Variants in NSG1 observed in about 807,000 individuals in gnomAD.
NSG1 encodes the protein neuronal vesicle trafficking associated 1, also known as neuronal vesicle trafficking-associated protein 1.
Under a neutral mutation model 19.3 loss-of-function variants are expected in NSG1, and 9 were observed. The observed-to-expected ratio is 0.47, with a 90% CI of 0.28 to 0.81. The LOEUF (loss-of-function observed/expected upper bound fraction) is 0.81. Among genes scored for constraint, NSG1 ranks in the 40% least tolerant of loss-of-function variants. The pLI is 0.11. For synonymous variants in NSG1, 104 were observed against 107.0 expected (o/e 0.97, Z 0.17); for missense variants, 236 against 242.4 (o/e 0.97, Z 0.18).
intron 4 of NSG1, among the ~76,000 whole-genome samples, chr4:4,411,452 A>G (rs1456859855): frequency 1.3e-5 from 2 of 152,160 alleles, no homozygotes; most frequent in African/African-American, 4.8e-5. Flanking sequence ...CTCTTAGGAT[A>G]ACAATGCCAG....
intron 1 of NSG1, 43 bp from the exon 2 acceptor site, chr4:4,387,561 C>CCGGGGGTGGGTGT: frequency 8.8e-7 from 1 of 1,141,980 alleles, no homozygotes; most frequent in Non-Finnish European, 1.2e-6. Context: ...CGCCCCGCCC[C>CCGGGGGTGGGTGT]GGGTCTTGCT....
At position 4,391,609 on chromosome 4, in the gene NSG1, G is replaced by A. The variant is rs766788791; in HGVS notation, c.246+18G>A. On this transcript the variant is annotated intron_variant, in intron 3 of 4. Transcript: ENST00000621129. ...GGTTTAAGGTGAGTGGTCCTGTGCTGGGTGAGATGCTGCTTTTGCCCCCAG... is the reference window on the plus strand; with the variant it reads ...GGTTTAAGGTGAGTGGTCCTGTGCTAGGTGAGATGCTGCTTTTGCCCCCAG... 11 of 1,522,494 alleles carry A rather than the reference G, an allele frequency of 7.2e-6. No homozygotes were observed. The highest frequency in any genetic ancestry group is 9.9e-6 in the Non-Finnish European group (11 of 1,111,644). The allele number at this position is 1,522,494 out of a possible 1,614,324, so 94.3% of individuals were successfully genotyped here. A position where few individuals can be genotyped will look rare whatever the true frequency, so the allele number is the denominator to read the frequency against.
At position 4,387,732 on chromosome 4, in the gene NSG1, C is replaced by G; in HGVS notation, c.103C>G (p.Gln35Glu). ...IPLMTPLDVN[Q>E]LQFPPPDKVV... ...CCTGATGACGCCCCTCGATGTCAAT[C>G]AGCTGCAGTTCCCGCCCCCGGATAA... Residue 35 changes from glutamine to glutamate, a missense_variant, in exon 2 of 5, where the codon CAG becomes GAG. Transcript: ENST00000621129. The G allele has an allele frequency of 6.2e-7, 1 of 1,612,440 alleles. No homozygotes were observed. The highest frequency in any genetic ancestry group is 8.5e-7 in the Non-Finnish European group (1 of 1,178,676).
rs375786742 is a variant in NSG1 at position 4,409,488 on chromosome 4, TG to T, written c.247-76del. 795 of 922,718 alleles carry T rather than the reference TG, an allele frequency of 8.6e-4. 4 individuals are homozygous for T. In the East Asian group the frequency reaches 9.9e-3, roughly 11 times the overall value. 57.2% of individuals were successfully genotyped at this position (922,718 alleles called of 1,614,324 possible). ...AGAGATAGTCTCTGCACATGCTGTG[TG>T]GGGGGGGGCCTTCGTGTGCGGGTGT... On this transcript the variant is annotated intron_variant, in intron 3 of 4. Coordinates refer to ENST00000621129, the MANE Select transcript of NSG1 (RefSeq NM_014392.5).
In NSG1 at chr4:4,417,352, C is replaced by A; in HGVS notation, c.475C>A (p.Arg159Ser). Residue 159 changes from arginine (R) to serine (S), a missense_variant, in exon 5 of 5, where the codon CGC becomes AGC. Arg to Ser is a moderately radical substitution (Grantham distance 110, BLOSUM62 -1). Transcript: ENST00000621129. Reference protein sequence around the residue: ...HYNLAKQSITRSVSPWMSVLS... With the variant: ...HYNLAKQSITSSVSPWMSVLS... The stretch of plus-strand genomic sequence containing the variant: ...CAACCTGGCCAAGCAGAGCATCACG[C>A]GCTCCGTATCGCCCTGGATGTCAGT... The A allele has an allele frequency of 6.2e-7, 1 of 1,614,162 alleles. No homozygotes were observed. The highest frequency in any genetic ancestry group is 8.5e-7 in the Non-Finnish European group (1 of 1,180,040).
intron 3 of NSG1, among the ~76,000 whole-genome samples, chr4:4,408,368 C>G (rs1671681441): frequency 6.6e-6 from 1 of 152,210 alleles, no homozygotes; most frequent in African/African-American, 2.4e-5. Context: ...CACGTGCTGG[C>G]ACCTGGCATC....
rs35986151 is a variant in NSG1, at chr4:4,402,210, A to ATT, written c.247-7351_247-7350dup. Reference sequence around the variant, plus strand: ...GCCTGGTTTCTTATTTTTTCCTTTGATTTTTTTTTTTTTCGAGATGGGGTT... The same window carrying ATT: ...GCCTGGTTTCTTATTTTTTCCTTTGATTTTTTTTTTTTTTTCGAGATGGGGTT... On this transcript the variant is annotated intron_variant, in intron 3 of 4. Coordinates refer to ENST00000621129, the MANE Select transcript of NSG1 (RefSeq NM_014392.5). 2.1e-3 allele frequency among the ~76,000 whole-genome samples: 292 copies of ATT among 140,376 alleles called. 2 individuals are homozygous for ATT. The East Asian group carries it at 0.031, about 15-fold the overall frequency. 92.1% of individuals were successfully genotyped at this position (140,376 alleles called of 152,430 possible).
intron 2 of NSG1, among the ~76,000 whole-genome samples, chr4:4,389,311 G>GTGA (rs1722885129): frequency 6.6e-6 from 1 of 152,252 alleles, no homozygotes; most frequent in Non-Finnish European, 1.5e-5. Flanking sequence ...GCTCGGAAAG[G>GTGA]TGATGAGTCT....
At chr4:4,399,103 CTCAAG>C (rs1482290644) in intron 3 of NSG1, among the ~76,000 whole-genome samples, 1 of 152,046 alleles carries the variant, frequency 6.6e-6, no homozygotes, top group Non-Finnish European at 1.5e-5. Context: ...GAGATGTCTA[CTCAAG>C]TCCTTTCTCA....
intron 3 of NSG1, among the ~76,000 whole-genome samples, chr4:4,397,709 C>T (rs900250343): frequency 3.9e-5 from 6 of 152,174 alleles, no homozygotes; most frequent in African/African-American, 9.7e-5. Flanking sequence ...TGCTGGGTGG[C>T]GGCCATCACC....
chr4:4,408,712 G>A (rs1225527270), intron 3 of NSG1, among the ~76,000 whole-genome samples: 1 of 152,070 alleles, frequency 6.6e-6, no homozygotes. Context: ...CACCCACCTC[G>A]GCATCCCAAA....
chr4:4,387,720 C>T lies in NSG1; in HGVS notation c.91C>T (p.Leu31Phe), dbSNP rs1445903503. Reference protein sequence around the residue: ...GFDTIPLMTPLDVNQLQFPPP... With the variant: ...GFDTIPLMTPFDVNQLQFPPP... ...CGACACCATTCCCCTGATGACGCCC[C>T]TCGATGTCAATCAGCTGCAGTTCCC... is the stretch of plus-strand genomic sequence containing the variant. Residue 31 changes from leucine (L) to phenylalanine (F), a missense_variant, in exon 2 of 5, where the codon CTC (leucine) becomes TTC (phenylalanine). Leu to Phe is a conservative substitution (Grantham distance 22). Coordinates refer to ENST00000621129, the MANE Select transcript of NSG1 (RefSeq NM_014392.5). 2 of 1,612,900 alleles carry T rather than the reference C, an allele frequency of 1.2e-6. No homozygotes were observed. Among genetic ancestry groups the T allele is most frequent in the Admixed American group, 3.3e-5 (2 of 60,008 alleles).
chr4:4,405,258 T>C (rs1337970490), intron 3 of NSG1, among the ~76,000 whole-genome samples: 1 of 152,208 alleles, frequency 6.6e-6, no homozygotes, highest in Non-Finnish European at 1.5e-5. Context: ...TATATGCGTG[T>C]CTGTCTACAT....
intron 4 of NSG1, among the ~76,000 whole-genome samples, chr4:4,412,848 C>T (rs530240858): frequency 2.6e-5 from 4 of 152,316 alleles, no homozygotes; most frequent in East Asian, 3.9e-4. Flanking sequence ...GCACTGAGCA[C>T]GTGCACAGGG....
chr4:4,387,559 CCCGGGTCTTGCTTGTGGTGACT>C, intron 1 of NSG1, 23 bp from the exon 2 acceptor site: 3 of 1,121,218 alleles, frequency 2.7e-6, no homozygotes, highest in South Asian at 1.5e-5. Context: ...CCCGCCCCGC[CCCGGGTCTTGCTTGTGGTGACT>C]CCCCCCGGCC....
At chr4:4,409,993 G>C (rs1411143792) in intron 4 of NSG1, among the ~76,000 whole-genome samples, 1 of 152,362 alleles carries the variant, frequency 6.6e-6, no homozygotes, top group South Asian at 2.1e-4. Flanking sequence ...AAATGCCCAG[G>C]ATGATACCTA....
In NSG1 at chr4:4,402,371, A is replaced by ATTT. The variant is rs1161754574; in HGVS notation, c.247-7170_247-7168dup. On this transcript the variant is annotated intron_variant, in intron 3 of 4. Transcript: ENST00000621129. ...TAGACACGCAGCACCACGCCTGGTT[A>ATTT]TTTTTTTTTTTTTTTTTTTTTTTTT... 5.9e-3 allele frequency among the ~76,000 whole-genome samples: 320 copies of ATTT among 53,948 alleles called. 47 individuals carry two copies. The highest frequency in any genetic ancestry group is 9.8e-3 in the African/African-American group (162 of 16,502). The allele number at this position is 53,948 out of a possible 152,430, so 35.4% of individuals were successfully genotyped here.
At chr4:4,396,539 G>A (rs1477458264) in intron 3 of NSG1, among the ~76,000 whole-genome samples, 3 of 152,230 alleles carry the variant, frequency 2.0e-5, no homozygotes, top group Non-Finnish European at 4.4e-5. Flanking sequence ...TGACTTGGCA[G>A]GAGAGCCCTC....
At position 4,409,570 on chromosome 4, in the gene NSG1, C is replaced by T. The variant is rs1444575797; in HGVS notation, c.247-3C>T. 6.2e-7 allele frequency: 1 copy of T among 1,613,268 alleles called. No homozygotes were observed. Among genetic ancestry groups the T allele is most frequent in the African/African-American group, 1.3e-5 (1 of 75,012 alleles). ...CCCCTGACAGTCCCACCTCTGCCCACAGGTCTCCGTGTTGGTCCTCTTCGC... is the reference window on the plus strand; with the variant it reads ...CCCCTGACAGTCCCACCTCTGCCCATAGGTCTCCGTGTTGGTCCTCTTCGC... On this transcript the variant is annotated splice_polypyrimidine_tract_variant and splice_region_variant and intron_variant, in intron 3 of 4. Transcript: ENST00000621129.
Sources: allele counts gnomAD v4.1 joint callset (sites outside exome capture counted in the v4.1 genomes callset), GRCh38; gene constraint gnomAD v4.1.1; transcripts MANE v1.5; gene names NCBI Gene and HGNC (gene_info 2026-07-23, HGNC 2026-07-21).